Variants in ECSIT observed in about 807,000 individuals in gnomAD.
The protein encoded by ECSIT is ECSIT signaling integrator.
A neutral mutation model predicts 36.8 loss-of-function variants in ECSIT; 29 were observed. That is an observed-to-expected ratio of 0.79 (90% CI 0.59 to 1.08). The LOEUF (loss-of-function observed/expected upper bound fraction) is 1.08, where lower values mean the gene tolerates loss of function less well. Ranked by LOEUF, ECSIT falls within the 50% of genes least tolerant of loss-of-function variation. ECSIT has a pLI of 0.00. For missense variants in ECSIT, 542 were observed against 581.0 expected (o/e 0.93, Z 0.69); for synonymous variants, 231 against 234.8 (o/e 0.98, Z 0.15).
chr19:11,505,992 A>C lies in ECSIT; in HGVS notation c.*192T>G, dbSNP rs1062958. 1 of 1,031,076 alleles carries C rather than the reference A, an allele frequency of 9.7e-7. No individual in the cohort carries two copies. Among genetic ancestry groups the C allele is most frequent in the African/African-American group, 1.6e-5 (1 of 61,648 alleles). 63.9% of individuals were successfully genotyped at this position (1,031,076 alleles called of 1,614,324 possible). Reference sequence around the variant, plus strand: ...AATTCGGAGAACCAGAGGCGCCTGCAGATTCTGGAGGGGTCTCGCCTGCCC... The same window carrying C: ...AATTCGGAGAACCAGAGGCGCCTGCCGATTCTGGAGGGGTCTCGCCTGCCC... On this transcript the variant is annotated 3_prime_UTR_variant, in exon 8 of 8. Transcript: ENST00000270517.
chr19:11,522,798 C>T (rs753220537), intron 1 of ECSIT, among the ~76,000 whole-genome samples: 9 of 152,192 alleles, frequency 5.9e-5, no homozygotes, highest in Non-Finnish European at 7.4e-5. Context: ...AGGTCGGGCA[C>T]GGTGGCTCAC....
chr19:11,519,137 C>T lies in ECSIT; in HGVS notation c.34G>A (p.Gly12Ser). The T allele has an allele frequency of 6.4e-7, 1 of 1,550,666 alleles. No homozygotes were observed. The highest frequency in any genetic ancestry group is 8.7e-7 in the Non-Finnish European group (1 of 1,146,970). The stretch of plus-strand genomic sequence containing the variant: ...GTGCCTCCCCAGGCCCTACAGAGGC[C>T]TCGGGCCAGTAGGGTGGCCTGGACC... ...SWVQATLLAR[G>S]LCRAWGGTCG... Residue 12 changes from glycine (G) to serine (S), a missense_variant, in exon 2 of 8, where the codon GGC (glycine) becomes AGC (serine). Transcript: ENST00000270517. The surrounding 1 kb of genome is among the most constrained non-coding windows in gnomAD (Gnocchi z 4.4).
At chr19:11,518,752 A>T (rs982196167) in intron 2 of ECSIT, among the ~76,000 whole-genome samples, 1 of 151,984 alleles carries the variant, frequency 6.6e-6, no homozygotes, top group African/African-American at 2.4e-5. Flanking sequence ...TACAAAAACT[A>T]GCCGGGTGTG....
rs762378901 is a variant in ECSIT, at chr19:11,513,262, C to T, written c.532G>A (p.Glu178Lys). 2.5e-6 allele frequency: 4 copies of T among 1,614,052 alleles called. No individual in the cohort carries two copies. The highest frequency in any genetic ancestry group is 3.4e-6 in the Non-Finnish European group (4 of 1,180,028). ...MENHGVMPNK[E>K]TEFLLIQIFG... ...ATCTGAATCAGCAGGAACTCCGTCT[C>T]CTTGTTGGGCATCACACCTGTGCTG... Residue 178 changes from glutamate to lysine, a missense_variant, in exon 4 of 8, where the codon GAG becomes AAG. Glu to Lys is a moderately conservative substitution (Grantham distance 56). Transcript: ENST00000270517.
chr19:11,508,368 CAG>C (rs1971800608), intron 4 of ECSIT, among the ~76,000 whole-genome samples: 1 of 137,472 alleles, frequency 7.3e-6, no homozygotes, highest in Admixed American at 7.3e-5. Context: ...GGGATGATAA[CAG>C]CACTTAATTC....
Position 11,513,280 on chromosome 19 carries a change from C to T in ECSIT, c.515-1G>A. 6.2e-7 allele frequency: 1 copy of T among 1,613,918 alleles called. No individual in the cohort carries two copies. The highest frequency in any genetic ancestry group is 8.5e-7 in the Non-Finnish European group (1 of 1,179,902). On this transcript the variant is annotated splice_acceptor_variant, in intron 3 of 7. Transcript: ENST00000270517. LOFTEE classifies it high-confidence loss of function. ...TCCGTCTCCTTGTTGGGCATCACAC[C>T]TGTGCTGGGCAGATGCAGGCAGAAC...
rs369342669 is a variant in ECSIT, at chr19:11,524,805, C to G, written c.-24+4257G>C. ...TGCTACCACACTCTGGCTTGGGTGA[C>G]AGAGTGAGACCCTATCTCAAAAATA... On this transcript the variant is annotated intron_variant, in intron 1 of 7. Transcript: ENST00000270517. 2.6e-5 allele frequency among the ~76,000 whole-genome samples: 4 copies of G among 151,964 alleles called. No individual in the cohort carries two copies. The East Asian group carries it at 7.7e-4, about 29-fold the overall frequency.
At chr19:11,511,614 T>C (rs1014381354) in intron 4 of ECSIT, among the ~76,000 whole-genome samples, 2 of 152,188 alleles carry the variant, frequency 1.3e-5, no homozygotes, top group Non-Finnish European at 2.9e-5. Context: ...TGAATGTTTA[T>C]GGCCCCCTGA....
chr19:11,509,100 C>T (rs1296477934), intron 4 of ECSIT, among the ~76,000 whole-genome samples: 4 of 137,642 alleles, frequency 2.9e-5, no homozygotes, highest in Admixed American at 7.4e-5. Context: ...GACAGAGTTT[C>T]GCTCTTGTTG....
intron 1 of ECSIT, chr19:11,525,699 C>G (rs930185477): frequency 2.8e-5 from 4 of 145,430 alleles, no homozygotes; most frequent in Non-Finnish European, 6.0e-5. Context: ...GTCGGGAGTT[C>G]GAGACCAGCC....
rs1156600570 is a variant in ECSIT, at chr19:11,513,233, A to G, written c.561T>C (p.Phe187=). The change falls in exon 4 of 8, where the codon TTT becomes TTC. Residue 187 remains phenylalanine, a synonymous_variant. Transcript: ENST00000270517. ...TGAGCATGGGGTAGCTTTTGCGTCC[A>G]AAGATCTGAATCAGCAGGAACTCCG... ...KETEFLLIQI[F]GRKSYPMLKL... The G allele has an allele frequency of 6.2e-7, 1 of 1,614,112 alleles. No homozygotes were observed. Among genetic ancestry groups the G allele is most frequent in the South Asian group, 1.1e-5 (1 of 91,080 alleles).
chr19:11,509,310 T>C (rs1419033144), intron 4 of ECSIT, among the ~76,000 whole-genome samples: 1 of 151,554 alleles, frequency 6.6e-6, no homozygotes, highest in East Asian at 2.0e-4. Flanking sequence ...CAACCTCAGG[T>C]GATCCACCTG....
chr19:11,524,333 C>T (rs1249933177), intron 1 of ECSIT, among the ~76,000 whole-genome samples: 2 of 151,982 alleles, frequency 1.3e-5, no homozygotes, highest in Non-Finnish European at 2.9e-5. Flanking sequence ...ACTATCCTGG[C>T]CAACATTGTG....
chr19:11,508,277 A>G (rs1971798606), intron 4 of ECSIT, among the ~76,000 whole-genome samples: 2 of 152,078 alleles, frequency 1.3e-5, no homozygotes, highest in Admixed American at 6.6e-5. Flanking sequence ...ACCTTTGTCA[A>G]AATCCTGGCT....
chr19:11,507,838 G>C lies in ECSIT; in HGVS notation c.809C>G (p.Pro270Arg). The C allele has an allele frequency of 1.2e-6, 2 of 1,613,574 alleles. No individual in the cohort carries two copies. The highest frequency in any genetic ancestry group is 1.3e-5 in the African/African-American group (1 of 75,024). Residue 270 changes from proline to arginine, a missense_variant, in exon 6 of 8, where the codon CCC becomes CGC. By Grantham distance (103) the Pro-to-Arg change is moderately radical. Transcript: ENST00000270517. ...PQPHIVGIQS[P>R]DQQAALARHN... ...GCGGGCCAGGGCGGCCTGCTGATCG[G>C]GACTCTGGATTCCTGGTGTGGAGAC...
At position 11,528,328 on chromosome 19, in the gene ECSIT, T is replaced by A. The variant is rs561501633; in HGVS notation, c.-24+734A>T. On this transcript the variant is annotated intron_variant, in intron 1 of 7. Transcript: ENST00000270517. ...GTGCAGTGGCACAATCACGGCTCACTACAGCCTCAACCTCCTGGGCTCAAG... is the reference window on the plus strand; with the variant it reads ...GTGCAGTGGCACAATCACGGCTCACAACAGCCTCAACCTCCTGGGCTCAAG... 2.5e-4 allele frequency among the ~76,000 whole-genome samples: 38 copies of A among 152,314 alleles called. No individual in the cohort carries two copies. The South Asian group carries it at 7.7e-3, about 31-fold the overall frequency.
intron 1 of ECSIT, among the ~76,000 whole-genome samples, chr19:11,527,273 G>C (rs1374480650): frequency 6.6e-6 from 1 of 152,184 alleles, no homozygotes; most frequent in Non-Finnish European, 1.5e-5. Flanking sequence ...AATGAGCCAA[G>C]ATTGTGCCAC....
At position 11,506,183 on chromosome 19, in the gene ECSIT, A is replaced by T; in HGVS notation, c.*1T>A. 6.2e-7 allele frequency: 1 copy of T among 1,604,468 alleles called. No homozygotes were observed. The highest frequency in any genetic ancestry group is 1.1e-5 in the South Asian group (1 of 91,072). ...AGCCCGTGCCCTCGCGCCGGCTCAG[A>T]CTAGCTCTGGCCCTGCTGCTGTCGC... On this transcript the variant is annotated 3_prime_UTR_variant, in exon 8 of 8. Coordinates refer to ENST00000270517, the MANE Select transcript of ECSIT (RefSeq NM_016581.5).
At position 11,506,315 on chromosome 19, in the gene ECSIT, C is replaced by T. The variant is rs1262232824; in HGVS notation, c.1165G>A (p.Val389Met). Residue 389 changes from valine to methionine, a missense_variant, in exon 8 of 8, where the codon GTG becomes ATG. By Grantham distance (21) the Val-to-Met change is conservative. Coordinates refer to ENST00000270517, the MANE Select transcript of ECSIT (RefSeq NM_016581.5). ...GTGGACCCGGCGAGGCGGAAGACCA[C>T]GGGGATCTGGGCCAGGGTTGGGTTG... ...ETNPTLAQIP[V>M]VFRLAGSTRE... 9 of 1,613,162 alleles carry T rather than the reference C, an allele frequency of 5.6e-6. No homozygotes were observed. Among genetic ancestry groups the T allele is most frequent in the Non-Finnish European group, 7.6e-6 (9 of 1,179,878 alleles).
Sources: allele counts gnomAD v4.1 joint callset (sites outside exome capture counted in the v4.1 genomes callset), GRCh38; gene constraint gnomAD v4.1.1; non-coding constraint Gnocchi (gnomAD v3.1); transcripts MANE v1.5; gene names NCBI Gene and HGNC (gene_info 2026-07-23, HGNC 2026-07-21).